The following SRRT variants were observed in gnomAD, a reference collection of about 807,000 sequenced individuals.
The protein encoded by SRRT is serrate RNA effector molecule homolog.
A neutral mutation model predicts 103.2 loss-of-function variants in SRRT; 32 were observed. The ratio of observed to expected loss-of-function variants is 0.31; its 90% confidence interval spans 0.23 to 0.42. The LOEUF is 0.42. Among genes scored for constraint, SRRT ranks in the 10% least tolerant of loss-of-function variants. SRRT has a pLI of 1.00. For missense variants in SRRT, 986 were observed against 1,207.5 expected (o/e 0.82, Z 2.72); for synonymous variants, 525 against 449.0 (o/e 1.17, Z -2.14).
chr7:100,886,818 C>G lies in SRRT; in HGVS notation c.1671C>G (p.Ile557Met). 6.2e-7 allele frequency: 1 copy of G among 1,614,190 alleles called. No homozygotes were observed. The highest frequency in any genetic ancestry group is 1.1e-5 in the South Asian group (1 of 91,074). Residue 557 changes from isoleucine (I) to methionine (M), a missense_variant, in exon 14 of 20, where the codon ATC becomes ATG. Ile to Met is a conservative substitution (Grantham distance 10). Around this residue, in one of 6 missense-constraint regions of SRRT, gnomAD observed 349 missense variants for 446.9 expected, o/e 0.78. Transcript: ENST00000611405. Reference protein sequence around the residue: ...LPTSLPSQNPILKNITDYLIE... With the variant: ...LPTSLPSQNPMLKNITDYLIE... ...AGAGCCTGCCCTCGCAAAACCCGAT[C>G]TTGAAGAATATCACCGACTACCTGA...
chr7:100,875,408 T>G, intron 1 of SRRT, 80 bp downstream of exon 1: 1 of 1,408,508 alleles, frequency 7.1e-7, no homozygotes, highest in Non-Finnish European at 9.3e-7. Context: ...GCGGAGAAAC[T>G]CGGGGCGAGT....
intron 12 of SRRT, 66 bp from the exon 13 acceptor site, chr7:100,886,181 T>TA: frequency 1.9e-6 from 3 of 1,549,874 alleles, no homozygotes; most frequent in Non-Finnish European, 2.6e-6. Context: ...GGAAGGGTCT[T>TA]AGAGCTGCTG....
intron 1 of SRRT, 27 bp downstream of exon 1, chr7:100,875,355 C>T: frequency 7.8e-7 from 1 of 1,279,902 alleles, no homozygotes; most frequent in African/African-American, 1.5e-5. Flanking sequence ...GCCTGGGGGG[C>T]CCCGCTGGGG....
At chr7:100,888,434 G>C (rs377683875) in intron 19 of SRRT, 40 bp from the exon 20 acceptor site, 2 of 1,612,880 alleles carry the variant, frequency 1.2e-6, no homozygotes, top group African/African-American at 2.7e-5. Context: ...ACTCCCTTTT[G>C]GGAGCCCTCA....
At chr7:100,881,914 C>T in intron 4 of SRRT, 109 bp downstream of exon 4, 1 of 1,482,864 alleles carries the variant, frequency 6.7e-7, no homozygotes. Context: ...GAGGCATGTC[C>T]CTGGGGTAGG....
chr7:100,881,192 A>C, intron 2 of SRRT, 93 bp from the exon 3 acceptor site: 1 of 1,420,728 alleles, frequency 7.0e-7, no homozygotes, highest in Non-Finnish European at 9.6e-7. Flanking sequence ...CCTGGCCTCA[A>C]GTGTTCTCTG....
intron 2 of SRRT, among the ~76,000 whole-genome samples, chr7:100,880,381 C>G (rs985104129): frequency 2.0e-5 from 3 of 152,138 alleles, no homozygotes; most frequent in African/African-American, 7.2e-5. Flanking sequence ...CGGCTCACTG[C>G]AAGCTCCGCC....
At chr7:100,876,277 G>C (rs1465273932) in intron 2 of SRRT, among the ~76,000 whole-genome samples, 1 of 152,120 alleles carries the variant, frequency 6.6e-6, no homozygotes, top group Non-Finnish European at 1.5e-5. Flanking sequence ...TCAGCCTCCC[G>C]AGTAGCTGGG....
Position 100,875,226 on chromosome 7 carries a change from T to G in SRRT, c.-121T>G, listed in dbSNP as rs767659275. On this transcript the variant is annotated 5_prime_UTR_variant, in exon 1 of 20. Transcript: ENST00000611405. ...CGGCCCTCTACTCAAGAGCTCCGTC[T>G]CCGTCTCGCCCTCCTCGAAGTCCTC... The G allele has an allele frequency of 1.1e-3, 340 of 300,350 alleles. No homozygotes were observed. The highest frequency in any genetic ancestry group is 1.5e-3 in the Admixed American group (33 of 21,542). The allele number at this position is 300,350 out of a possible 1,614,324, so 18.6% of individuals were successfully genotyped here. A position where few individuals can be genotyped will look rare whatever the true frequency, so the allele number is the denominator to read the frequency against.
Position 100,885,303 on chromosome 7 carries a change from T to C in SRRT, c.1250T>C (p.Leu417Pro). 3 of 1,614,174 alleles carry C rather than the reference T, an allele frequency of 1.9e-6. No homozygotes were observed. The highest frequency in any genetic ancestry group is 2.5e-6 in the Non-Finnish European group (3 of 1,180,030). The change falls in exon 10 of 20, where the codon CTG becomes CCG. Residue 417 changes from leucine (L) to proline (P), a missense_variant. By Grantham distance (98) the Leu-to-Pro change is moderately conservative (BLOSUM62 -3). Coordinates refer to ENST00000611405, the MANE Select transcript of SRRT (RefSeq NM_015908.6). The surrounding 1 kb of genome is among the most constrained non-coding windows in gnomAD (Gnocchi z 4.8). Reference sequence around the variant, plus strand: ...GGGCTGGAGTGCAAGCCGCGGCCGCTGCATAAGACCTGCTCCCTCTTCATG... The same window carrying C: ...GGGCTGGAGTGCAAGCCGCGGCCGCCGCATAAGACCTGCTCCCTCTTCATG... The part of the protein sequence containing the change: ...AAGLECKPRP[L>P]HKTCSLFMRN...
At chr7:100,879,015 C>T (rs1000487700) in intron 2 of SRRT, among the ~76,000 whole-genome samples, 14 of 151,364 alleles carry the variant, frequency 9.2e-5, no homozygotes, top group African/African-American at 2.9e-4. Context: ...AGTATAGTGG[C>T]GTGATCTGGG....
rs373787919 is a variant in SRRT, at chr7:100,884,245, C to T, written c.757+6C>T. Reference sequence around the variant, plus strand: ...TGTCAAGATGCTGGATGCAGGTGTGCGGATTTGGAGGGGTGGCAGGCATCT... The same window carrying T: ...TGTCAAGATGCTGGATGCAGGTGTGTGGATTTGGAGGGGTGGCAGGCATCT... On this transcript the variant is annotated splice_donor_region_variant and intron_variant, in intron 6 of 19. Transcript: ENST00000611405. The T allele has an allele frequency of 1.3e-4, 213 of 1,613,872 alleles. 1 individual carries two copies. Among genetic ancestry groups the T allele is most frequent in the Non-Finnish European group, 1.6e-4 (191 of 1,179,960 alleles).
chr7:100,880,425 C>A (rs1264024008), intron 2 of SRRT, among the ~76,000 whole-genome samples: 1 of 152,178 alleles, frequency 6.6e-6, no homozygotes, highest in African/African-American at 2.4e-5. Context: ...GCCTCAGCCT[C>A]CCGAGTAGCT....
intron 2 of SRRT, among the ~76,000 whole-genome samples, chr7:100,876,743 A>G (rs998050911): frequency 2.0e-5 from 3 of 152,124 alleles, no homozygotes; most frequent in Admixed American, 6.5e-5. Flanking sequence ...TCTGTAAATG[A>G]GTATATATAG....
intron 12 of SRRT, 130 bp downstream of exon 12, chr7:100,886,071 T>C: frequency 7.6e-7 from 1 of 1,321,006 alleles, no homozygotes; most frequent in African/African-American, 1.5e-5. Context: ...TCTGGCTACG[T>C]TGTCTCTGGG....
rs374407676 is a variant in SRRT, at chr7:100,882,158, C to T, written c.504C>T (p.Ala168=). The change falls in exon 5 of 20, where the codon GCC becomes GCT. Residue 168 remains alanine (A), a synonymous_variant. Coordinates refer to ENST00000611405, the MANE Select transcript of SRRT (RefSeq NM_015908.6). The surrounding 1 kb of genome is among the most constrained non-coding windows in gnomAD (Gnocchi z 4.2). ...ATGACTCGGTGGATGAGACGGAGGC[C>T]GTCAAGCGCTATAATGACTACAAGC... The part of the protein sequence containing the change: ...SLDDSVDETE[A]VKRYNDYKLD... 1.5e-5 allele frequency: 24 copies of T among 1,613,988 alleles called. No homozygotes were observed. Among genetic ancestry groups the T allele is most frequent in the African/African-American group, 1.5e-4 (11 of 74,888 alleles).
Position 100,886,934 on chromosome 7 carries a change from A to G in SRRT, c.1787A>G (p.Glu596Gly). 2.5e-6 allele frequency: 4 copies of G among 1,612,830 alleles called. No homozygotes were observed. Among genetic ancestry groups the G allele is most frequent in the Non-Finnish European group, 3.4e-6 (4 of 1,179,316 alleles). The stretch of plus-strand genomic sequence containing the variant: ...CCTCCTAAGGAAGGGAACCCGGCAG[A>G]GATCAACGTGGAGCGGGATGAGAAG... ...EEPPKEGNPA[E>G]INVERDEKLI... The change falls in exon 14 of 20, where the codon GAG (glutamate) becomes GGG (glycine). Residue 596 changes from glutamate (E) to glycine (G), a missense_variant. Physicochemically the swap from Glu to Gly is moderately conservative, Grantham distance 98 (BLOSUM62 -2). This residue lies in a region of SRRT where 349 missense variants were observed against 446.9 expected (regional missense o/e 0.78). Coordinates refer to ENST00000611405, the MANE Select transcript of SRRT (RefSeq NM_015908.6).
chr7:100,885,857 G>T lies in SRRT; in HGVS notation c.1380-6G>T, dbSNP rs1363835762. ...TGACTATGCTAACATTTTCTTTCTT[G>T]TGTAGGTTTTTCCGTCGTGGCTGGG... On this transcript the variant is annotated splice_region_variant and splice_polypyrimidine_tract_variant and intron_variant, in intron 11 of 19. Coordinates refer to ENST00000611405, the MANE Select transcript of SRRT (RefSeq NM_015908.6). The surrounding 1 kb of genome is among the most constrained non-coding windows in gnomAD (Gnocchi z 4.8). 1 of 1,614,134 alleles carries T rather than the reference G, an allele frequency of 6.2e-7. No individual in the cohort carries two copies. Among genetic ancestry groups the T allele is most frequent in the South Asian group, 1.1e-5 (1 of 91,084 alleles).
Position 100,882,312 on chromosome 7 carries a change from C to G in SRRT, c.587+71C>G, listed in dbSNP as rs1228527767. 6.6e-7 allele frequency: 1 copy of G among 1,520,198 alleles called. No individual in the cohort carries two copies. Among genetic ancestry groups the G allele is most frequent in the African/African-American group, 1.4e-5 (1 of 72,174 alleles). 94.2% of individuals were successfully genotyped at this position (1,520,198 alleles called of 1,614,324 possible). A position where few individuals can be genotyped will look rare whatever the true frequency, so the allele number is the denominator to read the frequency against. ...TGGCCCCGCTGGTGGAGCCACAGCCCTGTCCTCTTCCCAGTTTTCCCTGTC... is the reference window on the plus strand; with the variant it reads ...TGGCCCCGCTGGTGGAGCCACAGCCGTGTCCTCTTCCCAGTTTTCCCTGTC... On this transcript the variant is annotated intron_variant, in intron 5 of 19. Coordinates refer to ENST00000611405, the MANE Select transcript of SRRT (RefSeq NM_015908.6). This position sits in a 1 kb window ranked among gnomAD's most constrained non-coding sequence, Gnocchi z 4.2.
Sources: allele counts gnomAD v4.1 joint callset (sites outside exome capture counted in the v4.1 genomes callset), GRCh38; gene constraint gnomAD v4.1.1; regional missense constraint gnomAD v4.1.1; non-coding constraint Gnocchi (gnomAD v3.1); transcripts MANE v1.5; gene names NCBI Gene and HGNC (gene_info 2026-07-23, HGNC 2026-07-21).